The following KCND2 variants were observed in gnomAD, a reference collection of about 807,000 sequenced individuals.
KCND2 encodes potassium voltage-gated channel subfamily D member 2, also known as A-type voltage-gated potassium channel KCND2.
Under a neutral mutation model 54.4 loss-of-function variants are expected in KCND2, and 16 were observed. That is an observed-to-expected ratio of 0.29 (90% CI 0.20 to 0.45). The LOEUF (loss-of-function observed/expected upper bound fraction) is 0.45. Among genes scored for constraint, KCND2 ranks in the 20% least tolerant of loss-of-function variants. KCND2 has a pLI of 1.00. For missense variants in KCND2, 486 were observed against 824.2 expected, an observed-to-expected ratio of 0.59 and a Z score of 5.02; for synonymous variants, 317 against 310.7, an observed-to-expected ratio of 1.02 and a Z score of -0.21.
At chr7:120,576,812 A>G (rs1792440198) in intron 1 of KCND2, among the ~76,000 whole-genome samples, 2 of 152,194 alleles carry the variant, frequency 1.3e-5, no homozygotes, top group Non-Finnish European at 2.9e-5. Flanking sequence ...AAGTGAAAAT[A>G]TGAAGATATA....
At chr7:120,538,282 G>C (rs1045332664) in intron 1 of KCND2, among the ~76,000 whole-genome samples, 1 of 152,116 alleles carries the variant, frequency 6.6e-6, no homozygotes, top group Non-Finnish European at 1.5e-5. Context: ...CACAATTCGT[G>C]ACACCTGAAA....
chr7:120,605,967 C>T (rs776526356), intron 1 of KCND2, among the ~76,000 whole-genome samples: 20 of 152,034 alleles, frequency 1.3e-4, no homozygotes, highest in East Asian at 1.9e-4. Flanking sequence ...ATCATGGGGA[C>T]GGGTTTTTTC....
chr7:120,493,635 A>G (rs2116304743), intron 1 of KCND2, among the ~76,000 whole-genome samples: 1 of 152,266 alleles, frequency 6.6e-6, no homozygotes, highest in Admixed American at 6.6e-5. Context: ...CATTATCAGT[A>G]ATAAAAGAAT....
intron 1 of KCND2, among the ~76,000 whole-genome samples, chr7:120,457,590 C>T (rs1260694709): frequency 6.6e-6 from 1 of 152,156 alleles, no homozygotes; most frequent in Non-Finnish European, 1.5e-5. Context: ...ATTTTATTGT[C>T]CATGTCACAA....
chr7:120,727,273 C>T (rs1792745562), intron 1 of KCND2, among the ~76,000 whole-genome samples: 1 of 152,180 alleles, frequency 6.6e-6, no homozygotes, highest in Non-Finnish European at 1.5e-5. Flanking sequence ...CTGAACTAGT[C>T]ATGCAACTTC....
chr7:120,675,797 G>A (rs978782436), intron 1 of KCND2, among the ~76,000 whole-genome samples: 3 of 149,930 alleles, frequency 2.0e-5, no homozygotes, highest in African/African-American at 7.4e-5. Flanking sequence ...TGATAAAGCT[G>A]TTGTCCCCTT....
intron 1 of KCND2, among the ~76,000 whole-genome samples, chr7:120,673,786 T>A (rs1792023395): frequency 6.6e-6 from 1 of 152,160 alleles, no homozygotes; most frequent in Non-Finnish European, 1.5e-5. Context: ...TGGCATCCAC[T>A]ATCATCTGCC....
intron 1 of KCND2, among the ~76,000 whole-genome samples, chr7:120,520,960 A>C (rs1791684501): frequency 6.6e-6 from 1 of 152,132 alleles, no homozygotes; most frequent in Non-Finnish European, 1.5e-5. Context: ...AGAATGGAGA[A>C]AGTATACTCA....
chr7:120,685,619 T>A (rs1792192731), intron 1 of KCND2, among the ~76,000 whole-genome samples: 1 of 152,200 alleles, frequency 6.6e-6, no homozygotes, highest in Non-Finnish European at 1.5e-5. Flanking sequence ...TTCTTCAGAA[T>A]GGCGGTGTCA....
intron 1 of KCND2, among the ~76,000 whole-genome samples, chr7:120,482,922 C>T (rs545081386): frequency 1.1e-4 from 17 of 152,268 alleles, no homozygotes; most frequent in African/African-American, 4.1e-4. Flanking sequence ...ACTTATTACT[C>T]ATGACCCTAC....
At chr7:120,382,634 A>G (rs972317503) in intron 1 of KCND2, among the ~76,000 whole-genome samples, 1 of 151,880 alleles carries the variant, frequency 6.6e-6, no homozygotes, top group Non-Finnish European at 1.5e-5. Flanking sequence ...TTTATAAACA[A>G]CTTAAGTATC....
chr7:120,500,055 G>T (rs1802910044), intron 1 of KCND2, among the ~76,000 whole-genome samples: 1 of 152,176 alleles, frequency 6.6e-6, no homozygotes, highest in Non-Finnish European at 1.5e-5. Flanking sequence ...GCATCTTCAT[G>T]AAATTATATA....
At chr7:120,527,368 A>G (rs1350855144) in intron 1 of KCND2, among the ~76,000 whole-genome samples, 5 of 152,136 alleles carry the variant, frequency 3.3e-5, no homozygotes, top group African/African-American at 1.2e-4. Context: ...GCTCAAGGGC[A>G]TCCTTAAAAC....
At chr7:120,417,025 T>C (rs1402595946) in intron 1 of KCND2, among the ~76,000 whole-genome samples, 16 of 152,046 alleles carry the variant, frequency 1.1e-4, no homozygotes, top group Admixed American at 1.0e-3. Context: ...TTTGTATTTT[T>C]AGTAGCGATG....
intron 1 of KCND2, among the ~76,000 whole-genome samples, chr7:120,708,864 A>G (rs1041356192): frequency 6.6e-6 from 1 of 152,116 alleles, no homozygotes; most frequent in African/African-American, 2.4e-5. Context: ...CTTCCTCTCT[A>G]CCATGTAAAC....
At chr7:120,445,362 G>A (rs534693539) in intron 1 of KCND2, among the ~76,000 whole-genome samples, 38 of 152,238 alleles carry the variant, frequency 2.5e-4, no homozygotes, top group African/African-American at 7.5e-4. Context: ...ATGAATACAT[G>A]GATTCTGTGT....
chr7:120,512,600 G>A (rs1803135282), intron 1 of KCND2, among the ~76,000 whole-genome samples: 1 of 151,958 alleles, frequency 6.6e-6, no homozygotes, highest in African/African-American at 2.4e-5. Flanking sequence ...TCATTATGAA[G>A]AGAAATATGT....
intron 1 of KCND2, among the ~76,000 whole-genome samples, chr7:120,452,253 C>T (rs959862524): frequency 6.6e-6 from 1 of 152,214 alleles, no homozygotes; most frequent in African/African-American, 2.4e-5. Flanking sequence ...GTGCAAGTTA[C>T]TTAATCTCTG....
chr7:120,600,342 G>A (rs1792798998), intron 1 of KCND2, among the ~76,000 whole-genome samples: 1 of 151,776 alleles, frequency 6.6e-6, no homozygotes. Flanking sequence ...ATTTAGTTCT[G>A]CTCTTTCAAC....
Sources: gnomAD v4.1 joint callset for allele counts (sites outside exome capture counted in the v4.1 genomes callset) on GRCh38, gnomAD v4.1.1 for gene constraint, MANE v1.5 for transcripts, NCBI Gene and HGNC (gene_info 2026-07-23, HGNC 2026-07-21) for gene names.